CPD: variants seen among roughly 807,000 people sequenced by gnomAD.
The protein encoded by CPD is metallocarboxypeptidase D.
Under a neutral mutation model 138.3 loss-of-function variants are expected in CPD, and 69 were observed. The ratio of observed to expected loss-of-function variants is 0.50; its 90% CI spans 0.41 to 0.61. The LOEUF (loss-of-function observed/expected upper bound fraction) is 0.61, where lower values mean the gene tolerates loss of function less well. CPD is among the 20% of genes least tolerant of loss of function. CPD has a pLI of 0.00. For synonymous variants in CPD, 651 were observed against 642.1 expected (o/e 1.01, Z -0.21); for missense variants, 1,432 against 1,733.3 (o/e 0.83, Z 3.09).
intron 7 of CPD, among the ~76,000 whole-genome samples, 197 bp from the exon 8 acceptor site, chr17:30,431,575 A>G (rs769323202): frequency 2.0e-5 from 3 of 152,208 alleles, no homozygotes; most frequent in Non-Finnish European, 4.4e-5. Context: ...GGCTTTAGAA[A>G]ATTAGCCATT....
chr17:30,417,377 G>T (rs1912138822), intron 2 of CPD, among the ~76,000 whole-genome samples: 1 of 152,050 alleles, frequency 6.6e-6, no homozygotes, highest in African/African-American at 2.4e-5. Flanking sequence ...AGTCTTAAAT[G>T]ATCATTTCTT....
At position 30,449,575 on chromosome 17, in the gene CPD, C is replaced by T. The variant is rs770167097; in HGVS notation, c.2896C>T (p.Arg966Cys). Residue 966 changes from arginine (R) to cysteine (C), a missense_variant, in exon 13 of 21, where the codon CGT (arginine) becomes TGT (cysteine). Around this residue, in one of 6 missense-constraint regions of CPD, gnomAD observed 366 missense variants for 518.8 expected, o/e 0.71. Transcript: ENST00000225719. ...LTNLGQSTEY[R>C]HIWSLEISNK... ...AAGTTTGGGACAGAGCACTGAATAT[C>T]GTCACATTTGGTCCCTTGAAATCTC... is the stretch of plus-strand genomic sequence containing the variant. The T allele has an allele frequency of 1.4e-5, 22 of 1,597,412 alleles. No individual in the cohort carries two copies. Among genetic ancestry groups the T allele is most frequent in the East Asian group, 2.3e-5 (1 of 43,948 alleles).
chr17:30,423,445 A>T, intron 5 of CPD, 61 bp from the exon 6 acceptor site: 2 of 1,281,628 alleles, frequency 1.6e-6, no homozygotes, highest in Non-Finnish European at 2.1e-6. Context: ...TGCGGAAAAA[A>T]ACTGAGTCCA....
At position 30,410,535 on chromosome 17, in the gene CPD, G is replaced by T. The variant is rs566296660; in HGVS notation, c.995-10306G>T. Among the ~76,000 whole-genome samples the T allele has an allele frequency of 2.5e-3, 377 of 152,252 alleles. 1 individual carries two copies. Among genetic ancestry groups the T allele is most frequent in the African/African-American group, 8.7e-3 (360 of 41,542 alleles). On this transcript the variant is annotated intron_variant, in intron 2 of 20. Coordinates refer to ENST00000225719, the MANE Select transcript of CPD (RefSeq NM_001304.5). The stretch of plus-strand genomic sequence containing the variant: ...CTAAGGACTTGCTTTATGAATCTGG[G>T]TGCTCCTGTATTGCATGCATATGTA...
Position 30,423,619 on chromosome 17 carries a change from G to A in CPD, c.1771G>A (p.Val591Ile), listed in dbSNP as rs775239898. Residue 591 changes from valine to isoleucine, a missense_variant, in exon 6 of 21, where the codon GTC (valine) becomes ATC (isoleucine). Physicochemically the swap from Val to Ile is conservative, Grantham distance 29 (BLOSUM62 3). Transcript: ENST00000225719. ...LCKNFGTDPE[V>I]TDLVHNTRIH... is the part of the protein sequence containing the mutation. ...TAAGAACTTTGGAACAGACCCTGAA[G>A]TCACAGATTTGGTTCATAACACTAG... The A allele has an allele frequency of 1.3e-5, 21 of 1,612,474 alleles. No individual in the cohort carries two copies. Among genetic ancestry groups the A allele is most frequent in the Admixed American group, 3.3e-5 (2 of 59,756 alleles).
At chr17:30,410,454 G>C (rs562995183) in intron 2 of CPD, among the ~76,000 whole-genome samples, 9 of 152,214 alleles carry the variant, frequency 5.9e-5, no homozygotes, top group Admixed American at 3.3e-4. Context: ...GTTGATAGTG[G>C]GGTGTTAAAG....
chr17:30,451,873 G>A (rs1913175247), intron 14 of CPD, 27 bp downstream of exon 14: 2 of 1,598,428 alleles, frequency 1.3e-6, no homozygotes, highest in Admixed American at 1.7e-5. Flanking sequence ...GGCTACTAAA[G>A]TACTTAGGAG....
At chr17:30,460,095 CAA>C (rs913107163) in intron 17 of CPD, among the ~76,000 whole-genome samples, 8 of 152,150 alleles carry the variant, frequency 5.3e-5, no homozygotes, top group African/African-American at 1.9e-4. Flanking sequence ...ATTAAAGACA[CAA>C]AAAATTATAT....
intron 17 of CPD, among the ~76,000 whole-genome samples, chr17:30,459,233 TA>T (rs1378889025): frequency 4.0e-5 from 6 of 149,274 alleles, no homozygotes; most frequent in South Asian, 2.1e-4. Flanking sequence ...ATTTATTATT[TA>T]TTTTTTTATT....
rs767826268 is a variant in CPD, at chr17:30,379,430, C to G, written c.450C>G (p.Ile150Met). 2 of 1,566,932 alleles carry G rather than the reference C, an allele frequency of 1.3e-6. No individual in the cohort carries two copies. The highest frequency in any genetic ancestry group is 2.3e-5 in the South Asian group (2 of 87,042). ...GDETVSRQVL[I>M]YLARELAAGY... ...AGACCGTGTCGCGCCAGGTGTTGATCTACTTGGCCCGCGAGCTGGCGGCCG... is the reference window on the plus strand; with the variant it reads ...AGACCGTGTCGCGCCAGGTGTTGATGTACTTGGCCCGCGAGCTGGCGGCCG... The change falls in exon 1 of 21, where the codon ATC (isoleucine) becomes ATG (methionine). Residue 150 changes from isoleucine to methionine, a missense_variant. By Grantham distance (10) the Ile-to-Met change is conservative (BLOSUM62 1). Transcript: ENST00000225719. The surrounding 1 kb of genome is among the most constrained non-coding windows in gnomAD (Gnocchi z 7.0).
chr17:30,385,197 G>C lies in CPD; in HGVS notation c.955G>C (p.Asp319His), dbSNP rs377027055. 1.1e-5 allele frequency: 18 copies of C among 1,613,962 alleles called. No homozygotes were observed. Among genetic ancestry groups the C allele is most frequent in the Middle Eastern group, 3.3e-4 (2 of 6,084 alleles). The change falls in exon 2 of 21, where the codon GAT (aspartate) becomes CAT (histidine). Residue 319 changes from aspartate to histidine, a missense_variant. By Grantham distance (81) the Asp-to-His change is moderately conservative (BLOSUM62 -1). This residue lies in a region of CPD where 484 missense variants were observed against 477.2 expected (regional missense o/e 1.01). Coordinates refer to ENST00000225719, the MANE Select transcript of CPD (RefSeq NM_001304.5). ...AGGAGATGAAGACGAGACTTTCAAAGATGGAATCACAAACGGCGCACATTG... is the reference window on the plus strand; with the variant it reads ...AGGAGATGAAGACGAGACTTTCAAACATGGAATCACAAACGGCGCACATTG... ...CPGDEDETFK[D>H]GITNGAHWYD...
At chr17:30,449,265 G>T (rs1913104724) in intron 12 of CPD, among the ~76,000 whole-genome samples, 1 of 152,018 alleles carries the variant, frequency 6.6e-6, no homozygotes, top group Non-Finnish European at 1.5e-5. Flanking sequence ...AGAAGATAGG[G>T]CAAATATTGT....
chr17:30,380,705 C>T (rs1203378037), intron 1 of CPD: 11 of 1,143,952 alleles, frequency 9.6e-6, no homozygotes, highest in Non-Finnish European at 1.4e-5. Flanking sequence ...TGTGTGTGGG[C>T]TGCAATAACA....
chr17:30,405,552 A>C (rs1911781382), intron 2 of CPD, among the ~76,000 whole-genome samples: 1 of 152,070 alleles, frequency 6.6e-6, no homozygotes, highest in African/African-American at 2.4e-5. Flanking sequence ...AAGAGTTACT[A>C]ATTTTTTCCC....
intron 17 of CPD, among the ~76,000 whole-genome samples, chr17:30,460,452 A>G (rs1913440175): frequency 6.6e-6 from 1 of 152,220 alleles, no homozygotes; most frequent in Non-Finnish European, 1.5e-5. Flanking sequence ...TTATCTAGAC[A>G]AAAAGTAATG....
chr17:30,395,748 A>C (rs752552301), intron 2 of CPD, among the ~76,000 whole-genome samples: 17 of 151,720 alleles, frequency 1.1e-4, no homozygotes, highest in Non-Finnish European at 2.1e-4. Context: ...AGGAAAATAC[A>C]GTTCAAAGAG....
intron 8 of CPD, among the ~76,000 whole-genome samples, chr17:30,436,356 T>G (rs1912699889): frequency 6.6e-6 from 1 of 152,056 alleles, no homozygotes; most frequent in Admixed American, 6.6e-5. Context: ...AAGAGAAAAT[T>G]TTTGTAAATC....
intron 2 of CPD, among the ~76,000 whole-genome samples, chr17:30,404,708 C>CT (rs1491079707): frequency 7.0e-6 from 1 of 143,256 alleles, no homozygotes; most frequent in African/African-American, 2.5e-5. Context: ...TTTGTCATCT[C>CT]TTTTTTTTCT....
At chr17:30,416,882 C>G (rs1912122007) in intron 2 of CPD, among the ~76,000 whole-genome samples, 1 of 152,086 alleles carries the variant, frequency 6.6e-6, no homozygotes, top group South Asian at 2.1e-4. Flanking sequence ...GCGGGTGGAT[C>G]ACGAGGTCAA....
Sources: allele counts gnomAD v4.1 joint callset (sites outside exome capture counted in the v4.1 genomes callset), GRCh38; gene constraint gnomAD v4.1.1; regional missense constraint gnomAD v4.1.1; non-coding constraint Gnocchi (gnomAD v3.1); transcripts MANE v1.5; gene names NCBI Gene and HGNC (gene_info 2026-07-23, HGNC 2026-07-21).